Variants in PPFIBP2 observed in about 807,000 individuals in gnomAD.
PPFIBP2 encodes the protein liprin-beta-2.
A neutral mutation model predicts 118.3 loss-of-function variants in PPFIBP2; 118 were observed. The observed-to-expected ratio is 1.00, with a 90% confidence interval of 0.86 to 1.16. The LOEUF is 1.16. PPFIBP2 is among the 50% of genes most tolerant of loss of function. The pLI is 0.00. For missense variants in PPFIBP2, 1,195 were observed against 1,073.1 expected, an observed-to-expected ratio of 1.11 and a Z score of -1.59; for synonymous variants, 414 against 397.4, an observed-to-expected ratio of 1.04 and a Z score of -0.50.
At chr11:7,666,815 A>G in the PPFIBP2 span, 3 of 322,736 alleles carry the variant, frequency 9.3e-6, no homozygotes, top group South Asian at 7.2e-5. Flanking sequence ...TCCAACTAGA[A>G]GGACCTTAGC....
At chr11:7,661,368 A>C (rs531413904), downstream of PPFIBP2, among the ~76,000 whole-genome samples, 1 of 151,536 alleles carries the variant, frequency 6.6e-6, no homozygotes, top group Admixed American at 6.6e-5. Context: ...CGTTGGTTTC[A>C]AAGAACATCT....
At chr11:7,540,937 G>A (rs1384201704) in intron 1 of PPFIBP2, among the ~76,000 whole-genome samples, 1 of 152,226 alleles carries the variant, frequency 6.6e-6, no homozygotes, top group Admixed American at 6.5e-5. Flanking sequence ...ATGCCTTAGT[G>A]ATAAGGCATC....
At chr11:7,518,685 C>T (rs561421822) in intron 1 of PPFIBP2, among the ~76,000 whole-genome samples, 1 of 152,190 alleles carries the variant, frequency 6.6e-6, no homozygotes, top group South Asian at 2.1e-4. Context: ...CTGAAACTCC[C>T]TGATATAAGA....
intron 17 of PPFIBP2, among the ~76,000 whole-genome samples, chr11:7,645,604 G>C (rs528972010): frequency 3.9e-5 from 6 of 152,200 alleles, no homozygotes; most frequent in Middle Eastern, 3.2e-3. Context: ...GGCACTGAGA[G>C]GAGCTGAGGA....
chr11:7,613,483 GTT>G (rs1848298594), intron 6 of PPFIBP2, among the ~76,000 whole-genome samples: 1 of 152,192 alleles, frequency 6.6e-6, no homozygotes. Context: ...TAGGTTTCCT[GTT>G]TACCTTTTCT....
chr11:7,617,135 G>A (rs181038346), intron 6 of PPFIBP2: 2 of 985,346 alleles, frequency 2.0e-6, no homozygotes, highest in Admixed American at 6.1e-5. Flanking sequence ...TGATCAGTGA[G>A]CTGCAGGAGC....
At chr11:7,524,232 G>C (rs1390145288) in intron 1 of PPFIBP2, among the ~76,000 whole-genome samples, 1 of 152,072 alleles carries the variant, frequency 6.6e-6, no homozygotes, top group Non-Finnish European at 1.5e-5. Flanking sequence ...CTCAAGCTTA[G>C]GAAGATCAAA....
At chr11:7,661,093 A>T (rs1439795649), downstream of PPFIBP2, among the ~76,000 whole-genome samples, 1 of 152,024 alleles carries the variant, frequency 6.6e-6, no homozygotes, top group Non-Finnish European at 1.5e-5. Flanking sequence ...CCTTTCAAAA[A>T]ACCAGCTCCT....
At chr11:7,564,386 A>C (rs543455237) in intron 2 of PPFIBP2, among the ~76,000 whole-genome samples, 1 of 152,212 alleles carries the variant, frequency 6.6e-6, no homozygotes, top group East Asian at 1.9e-4. Flanking sequence ...TCTCTCTCAG[A>C]CTCCACAGCC....
chr11:7,653,282 A>G lies in PPFIBP2; in HGVS notation c.*64A>G, dbSNP rs767294562. 7 of 1,602,236 alleles carry G rather than the reference A, an allele frequency of 4.4e-6. No homozygotes were observed. Among genetic ancestry groups the G allele is most frequent in the African/African-American group, 1.3e-5 (1 of 74,676 alleles). The stretch of plus-strand genomic sequence containing the variant: ...ACAGTAACACTGTGTGTGTCACCAT[A>G]TAACTGCACCTCACCCCCGCACGTG... On this transcript the variant is annotated 3_prime_UTR_variant, in exon 24 of 24. Transcript: ENST00000299492.
At chr11:7,663,571 T>G in the PPFIBP2 span, among the ~76,000 whole-genome samples, 22 of 152,236 alleles carry the variant, frequency 1.4e-4, no homozygotes, top group African/African-American at 3.4e-4. Flanking sequence ...CAGGGACATT[T>G]AAGTCTGTAG....
chr11:7,576,575 G>A (rs1856354645), intron 3 of PPFIBP2: 1 of 152,522 alleles, frequency 6.6e-6, no homozygotes, highest in East Asian at 1.9e-4. Context: ...GAGTCTCATG[G>A]AAATGCACGT....
At chr11:7,649,020 CAG>C in intron 19 of PPFIBP2, 109 bp downstream of exon 19, 1 of 1,321,534 alleles carries the variant, frequency 7.6e-7, no homozygotes, top group East Asian at 2.3e-5. Flanking sequence ...TTGTAAAAAG[CAG>C]AGGAATTACT....
Position 7,536,295 on chromosome 11 carries a change from C to A in PPFIBP2, c.-36-13145C>A, listed in dbSNP as rs114954601. Among the ~76,000 whole-genome samples the A allele has an allele frequency of 3.8e-3, 573 of 152,160 alleles. 11 individuals carry two copies. The highest frequency in any genetic ancestry group is 0.013 in the African/African-American group (548 of 41,496). On this transcript the variant is annotated intron_variant, in intron 1 of 23. Transcript: ENST00000299492. ...GATGAGAGCATGGCACGGGTGCACA[C>A]GGATGAGTGACGTCCCACCACTGGG... is the stretch of plus-strand genomic sequence containing the variant.
intron 1 of PPFIBP2, among the ~76,000 whole-genome samples, chr11:7,519,783 A>G (rs1312596070): frequency 6.6e-6 from 1 of 152,094 alleles, no homozygotes; most frequent in Non-Finnish European, 1.5e-5. Flanking sequence ...TCCCCCTAAG[A>G]CCAGATGATC....
intron 1 of PPFIBP2, among the ~76,000 whole-genome samples, chr11:7,544,772 TAAAAAA>T (rs1194860244): frequency 1.2e-5 from 1 of 86,150 alleles, no homozygotes. Context: ...AGACTCCATC[TAAAAAA>T]AAAAAAAAAA....
At chr11:7,542,302 C>T (rs72849014) in intron 1 of PPFIBP2, among the ~76,000 whole-genome samples, 45 of 152,318 alleles carry the variant, frequency 3.0e-4, no homozygotes, top group Non-Finnish European at 5.4e-4. Context: ...GTTATCTGCC[C>T]AATATATGGT....
intron 6 of PPFIBP2, among the ~76,000 whole-genome samples, chr11:7,615,335 CA>C (rs35137869): frequency 0.29 from 29,056 of 99,082 alleles, 2,605 homozygotes; most frequent in African/African-American, 0.35. Flanking sequence ...GACTCCGTCT[CA>C]AAAAAAAAAA....
Position 7,625,892 on chromosome 11 carries a change from G to GTGACTAGCT in PPFIBP2, c.826+7_826+15dup, listed in dbSNP as rs776472844. The stretch of plus-strand genomic sequence containing the variant: ...CACAGTGAGAGTCACACAGAGAGAG[G>GTGACTAGCT]TGACTAGCTTGACTCTGACAAAATG... On this transcript the variant is annotated splice_donor_variant, in intron 8 of 23. Coordinates refer to ENST00000299492, the MANE Select transcript of PPFIBP2 (RefSeq NM_003621.5). LOFTEE classifies it high-confidence loss of function. 6.2e-7 allele frequency: 1 copy of GTGACTAGCT among 1,613,420 alleles called. No individual in the cohort carries two copies. Among genetic ancestry groups the GTGACTAGCT allele is most frequent in the Non-Finnish European group, 8.5e-7 (1 of 1,179,394 alleles).
Sources: allele counts gnomAD v4.1 joint callset (sites outside exome capture counted in the v4.1 genomes callset), GRCh38; gene constraint gnomAD v4.1.1; transcripts MANE v1.5; gene names NCBI Gene and HGNC (gene_info 2026-07-23, HGNC 2026-07-21).